The following MMGT1 variants were observed in gnomAD, a reference collection of about 807,000 sequenced individuals.
MMGT1 encodes the protein ER membrane protein complex subunit 5.
In MMGT1, 2 loss-of-function variants were observed where a neutral mutation model predicts 11.7. That is an observed-to-expected ratio of 0.17 (90% CI 0.07 to 0.54). The LOEUF is 0.54. Among genes scored for constraint, MMGT1 ranks in the 20% least tolerant of loss-of-function variants. The probability of loss-of-function intolerance (pLI) is 0.94; values close to 1 mark genes in which losing one functional copy is unlikely to be tolerated. For missense variants in MMGT1, 74 were observed against 109.0 expected (o/e 0.68, Z 1.43); for synonymous variants, 49 against 44.4 (o/e 1.10, Z -0.41).
At chrX:135,973,189 C>G (rs2148121347) in intron 1 of MMGT1, among the ~76,000 whole-genome samples, 1 of 111,990 alleles carries the variant, frequency 8.9e-6, no homozygotes, top group Non-Finnish European at 1.9e-5. Context: ...CAATCGGTCA[C>G]TTAACTACTC....
At position 135,973,836 on chromosome X, in the gene MMGT1, G is replaced by A. The variant is rs2089237117; in HGVS notation, c.-161C>T. ...AAAGCCAGAGGGCTGTGAGAAAACG[G>A]AAACAGGAATGCCGGGAAGAAGCAG... On this transcript the variant is annotated 5_prime_UTR_variant, in exon 1 of 4. Coordinates refer to ENST00000305963, the MANE Select transcript of MMGT1 (RefSeq NM_173470.3). 1 of 1,163,152 alleles carries A rather than the reference G, an allele frequency of 8.6e-7. No individual in the cohort carries two copies.
intron 2 of MMGT1, among the ~76,000 whole-genome samples, chrX:135,967,993 C>T (rs1218521506): frequency 3.6e-5 from 4 of 111,184 alleles, no homozygotes; most frequent in Non-Finnish European, 7.5e-5. Flanking sequence ...GAGTAGATTA[C>T]AGGCATGCGC....
At chrX:135,965,219 C>G in intron 3 of MMGT1, 36 bp from the exon 4 acceptor site, 1 of 1,100,304 alleles carries the variant, frequency 9.1e-7, no homozygotes, top group Non-Finnish European at 1.2e-6. Context: ...TTTAGATAAA[C>G]CTTTATAAAA....
chrX:135,973,806 G>A lies in MMGT1; in HGVS notation c.-131C>T, dbSNP rs1556612907. ...GTCCTGAGCGCAAAGTGTCTCAGTG[G>A]TGGAAAAGCCAGAGGGCTGTGAGAA... On this transcript the variant is annotated 5_prime_UTR_variant, in exon 1 of 4. Coordinates refer to ENST00000305963, the MANE Select transcript of MMGT1 (RefSeq NM_173470.3). The A allele has an allele frequency of 1.7e-6, 2 of 1,164,908 alleles. No homozygotes were observed. The highest frequency in any genetic ancestry group is 3.3e-5 in the East Asian group (1 of 30,564).
In MMGT1 at chrX:135,963,090, G is replaced by C. The variant is rs1366440289; in HGVS notation, c.*1934C>G. On this transcript the variant is annotated 3_prime_UTR_variant, in exon 4 of 4. Transcript: ENST00000305963. Reference sequence around the variant, plus strand: ...AATGACCAGAATAAGCAAATCTACAGAGAGAGAAATAGATTAGTGGTTGCC... The same window carrying C: ...AATGACCAGAATAAGCAAATCTACACAGAGAGAAATAGATTAGTGGTTGCC... 9.0e-6 allele frequency: 1 copy of C among 110,918 alleles called. No homozygotes were observed. The highest frequency in any genetic ancestry group is 1.9e-5 in the Non-Finnish European group (1 of 52,978). 9.1% of individuals were successfully genotyped at this position (110,918 alleles called of 1,213,427 possible).
Position 135,962,568 on chromosome X carries a change from G to A in MMGT1, c.*2456C>T, listed in dbSNP as rs1263713609. 1.8e-5 allele frequency: 2 copies of A among 112,065 alleles called. No individual in the cohort carries two copies. The highest frequency in any genetic ancestry group is 3.8e-5 in the Non-Finnish European group (2 of 53,227). 9.2% of individuals were successfully genotyped at this position (112,065 alleles called of 1,213,427 possible). On this transcript the variant is annotated 3_prime_UTR_variant, in exon 4 of 4. Coordinates refer to ENST00000305963, the MANE Select transcript of MMGT1 (RefSeq NM_173470.3). The stretch of plus-strand genomic sequence containing the variant: ...TACAACGCATCCAAATCACCTTTAA[G>A]TCCTATGGTACATACTTGAAAAAGA...
At chrX:135,966,193 G>A (rs1556611937) in intron 3 of MMGT1, among the ~76,000 whole-genome samples, 1 of 111,787 alleles carries the variant, frequency 8.9e-6, no homozygotes, top group Non-Finnish European at 1.9e-5. Context: ...TATTTTCCTG[G>A]AAAGGATAGG....
At chrX:135,965,813 G>A (rs999664522) in intron 3 of MMGT1, among the ~76,000 whole-genome samples, 27 of 111,456 alleles carry the variant, frequency 2.4e-4, no homozygotes, top group African/African-American at 6.9e-4. Context: ...AACGCATGTC[G>A]AATAGTCTTT....
At position 135,973,640 on chromosome X, in the gene MMGT1, G is replaced by A; in HGVS notation, c.36C>T (p.Ile12=). 1 of 1,167,096 alleles carries A rather than the reference G, an allele frequency of 8.6e-7. No homozygotes were observed. The highest frequency in any genetic ancestry group is 1.1e-6 in the Non-Finnish European group (1 of 872,853). The change falls in exon 1 of 4, where the codon ATC becomes ATT. Residue 12 remains isoleucine, a synonymous_variant. Transcript: ENST00000305963. ...CGGCGTGGGCTAGGGCAAAGAGACC[G>A]ATGCCCACCAGCCCCTTCCACAGCG... The part of the protein sequence containing the change: ...APSLWKGLVG[I]GLFALAHAAF...
chrX:135,963,678 T>A lies in MMGT1; in HGVS notation c.*1346A>T. ...GAAGAGAAGAGCTGATGTCCATTTC[T>A]AAAGGAAAATAAAATGCCTACAAGT... On this transcript the variant is annotated 3_prime_UTR_variant, in exon 4 of 4. Coordinates refer to ENST00000305963, the MANE Select transcript of MMGT1 (RefSeq NM_173470.3). The A allele has an allele frequency of 8.9e-6, 1 of 112,487 alleles. No individual in the cohort carries two copies. The highest frequency in any genetic ancestry group is 4.6e-3 in the Middle Eastern group (1 of 218). The allele number at this position is 112,487 out of a possible 1,213,427, so 9.3% of individuals were successfully genotyped here.
rs1382583638 is a variant in MMGT1 at position 135,962,778 on chromosome X, G to A, written c.*2246C>T. The A allele has an allele frequency of 1.2e-4, 13 of 111,976 alleles. No individual in the cohort carries two copies. Among genetic ancestry groups the A allele is most frequent in the Admixed American group, 1.1e-3 (12 of 10,521 alleles). 9.2% of individuals were successfully genotyped at this position (111,976 alleles called of 1,213,427 possible). The stretch of plus-strand genomic sequence containing the variant: ...TTTTAGCAGGACTCTTCCCGACTGA[G>A]GAGGCAAAGATTTCAACATCCATTC... On this transcript the variant is annotated 3_prime_UTR_variant, in exon 4 of 4. Transcript: ENST00000305963.
rs1363514071 is a variant in MMGT1 at position 135,961,552 on chromosome X, T to C, written c.*3472A>G. The stretch of plus-strand genomic sequence containing the variant: ...TCTTTCTTGCCCCCACTCCCCTTTC[T>C]AAGAACACTTAATTAACAGGTTATT... On this transcript the variant is annotated 3_prime_UTR_variant, in exon 4 of 4. Coordinates refer to ENST00000305963, the MANE Select transcript of MMGT1 (RefSeq NM_173470.3). Among the ~76,000 whole-genome samples the C allele has an allele frequency of 5.4e-5, 6 of 111,353 alleles. No individual in the cohort carries two copies. The highest frequency in any genetic ancestry group is 9.6e-5 in the Admixed American group (1 of 10,409).
At position 135,971,061 on chromosome X, in the gene MMGT1, T is replaced by C. The variant is rs2089216286; in HGVS notation, c.129A>G (p.Ile43Met). The change falls in exon 2 of 4, where the codon ATA becomes ATG. Residue 43 changes from isoleucine to methionine, a missense_variant. Around this residue, in one of 2 missense-constraint regions of MMGT1, gnomAD observed 40 missense variants for 79.6 expected, o/e 0.50. Coordinates refer to ENST00000305963, the MANE Select transcript of MMGT1 (RefSeq NM_173470.3). Reference sequence around the variant, plus strand: ...GGAATATAAATGACCAACTTACATCTATTGGCAGTGATTCATCTTCTTTTT... The same window carrying C: ...GGAATATAAATGACCAACTTACATCCATTGGCAGTGATTCATCTTCTTTTT... The part of the protein sequence containing the change: ...LTEKEDESLP[I>M]DIVLQTLLAF... The C allele has an allele frequency of 8.6e-7, 1 of 1,164,180 alleles. No individual in the cohort carries two copies. Among genetic ancestry groups the C allele is most frequent in the East Asian group, 3.0e-5 (1 of 33,557 alleles).
At position 135,962,733 on chromosome X, in the gene MMGT1, G is replaced by GGCCTGATTTTTA. The variant is rs1185404812; in HGVS notation, c.*2279_*2290dup. The GGCCTGATTTTTA allele has an allele frequency of 8.9e-6, 1 of 111,984 alleles. No homozygotes were observed. The highest frequency in any genetic ancestry group is 1.9e-5 in the Non-Finnish European group (1 of 53,202). The allele number at this position is 111,984 out of a possible 1,213,427, so 9.2% of individuals were successfully genotyped here. A position where few individuals can be genotyped will look rare whatever the true frequency, so the allele number is the denominator to read the frequency against. On this transcript the variant is annotated 3_prime_UTR_variant, in exon 4 of 4. Coordinates refer to ENST00000305963, the MANE Select transcript of MMGT1 (RefSeq NM_173470.3). ...TGCCAAGTCATTTGGCCTGATTTTT[G>GGCCTGATTTTTA]GCCTGATTTTTAGCCTGATTTTTAG...
Position 135,961,707 on chromosome X carries a change from G to A in MMGT1, c.*3317C>T, listed in dbSNP as rs2089156349. Among the ~76,000 whole-genome samples the A allele has an allele frequency of 9.0e-6, 1 of 111,557 alleles. No individual in the cohort carries two copies. The highest frequency in any genetic ancestry group is 1.9e-5 in the Non-Finnish European group (1 of 53,131). ...TAAACTTTATATTTGCTTCCTTGAT[G>A]CTTTAATCATAACGATTTCCTATTA... On this transcript the variant is annotated 3_prime_UTR_variant, in exon 4 of 4. Transcript: ENST00000305963.
Position 135,970,564 on chromosome X carries a change from A to G in MMGT1, c.132+494T>C, listed in dbSNP as rs189176079. 6.0e-4 allele frequency among the ~76,000 whole-genome samples: 67 copies of G among 112,080 alleles called. 1 individual carries two copies. The East Asian group carries it at 0.018, about 30-fold the overall frequency. On this transcript the variant is annotated intron_variant, in intron 2 of 3. Transcript: ENST00000305963. ...AAGACTATTTCGACTACAGCTCTAG[A>G]AACCAAATAGAGAAACCTTTCCAAA...
At position 135,973,818 on chromosome X, in the gene MMGT1, G is replaced by A. The variant is rs374043251; in HGVS notation, c.-143C>T. ...AAGTGTCTCAGTGGTGGAAAAGCCA[G>A]AGGGCTGTGAGAAAACGGAAACAGG... is the stretch of plus-strand genomic sequence containing the variant. On this transcript the variant is annotated 5_prime_UTR_variant, in exon 1 of 4. Coordinates refer to ENST00000305963, the MANE Select transcript of MMGT1 (RefSeq NM_173470.3). 1 of 1,160,854 alleles carries A rather than the reference G, an allele frequency of 8.6e-7. No homozygotes were observed. The highest frequency in any genetic ancestry group is 2.6e-5 in the Admixed American group (1 of 38,105).
chrX:135,969,395 G>C (rs183629563), intron 2 of MMGT1, among the ~76,000 whole-genome samples: 44 of 109,749 alleles, frequency 4.0e-4, no homozygotes, highest in African/African-American at 1.5e-3. Flanking sequence ...TGCAGATCTC[G>C]AGTGCATGAT....
At chrX:135,969,336 T>A (rs1392550276) in intron 2 of MMGT1, among the ~76,000 whole-genome samples, 1 of 111,781 alleles carries the variant, frequency 8.9e-6, no homozygotes, top group African/African-American at 3.3e-5. Flanking sequence ...CCAAGAACAC[T>A]TGGTTTTTGT....
Sources: allele counts gnomAD v4.1 joint callset (sites outside exome capture counted in the v4.1 genomes callset), GRCh38; gene constraint gnomAD v4.1.1; regional missense constraint gnomAD v4.1.1; transcripts MANE v1.5; gene names NCBI Gene and HGNC (gene_info 2026-07-23, HGNC 2026-07-21).